Variants in ATG5 observed in about 807,000 individuals in gnomAD.
ATG5 encodes autophagy related 5.
A neutral mutation model predicts 36.5 loss-of-function variants in ATG5; 14 were observed. That is an observed-to-expected ratio of 0.38 (90% CI 0.25 to 0.60). ATG5 has a LOEUF of 0.60. Ranked by LOEUF, ATG5 falls within the 20% of genes least tolerant of loss-of-function variation. The pLI is 0.60. For synonymous variants in ATG5, 95 were observed against 101.5 expected, an observed-to-expected ratio of 0.94 and a Z score of 0.38; for missense variants, 195 against 326.7, an observed-to-expected ratio of 0.60 and a Z score of 3.11.
Position 106,186,672 on chromosome 6 carries a change from C to G in ATG5, c.696G>C (p.Gly232=), listed in dbSNP as rs142878178. 86 of 1,612,774 alleles carry G rather than the reference C, an allele frequency of 5.3e-5. No individual in the cohort carries two copies. The highest frequency in any genetic ancestry group is 7.1e-5 in the Non-Finnish European group (84 of 1,179,672). ...GAATCATCACTTGATTCTTTTTTTC[C>G]CCATCTATTCCAAGAAAGAAACCCA... The part of the protein sequence containing the change: ...VCPSAIDPED[G]EKKNQVMIHG... The change falls in exon 8 of 8, where the codon GGG becomes GGC. Residue 232 remains glycine (G), a synonymous_variant. Coordinates refer to ENST00000369076, the MANE Select transcript of ATG5 (RefSeq NM_004849.4).
At chr6:106,252,937 C>T (rs1386487215) in intron 5 of ATG5, among the ~76,000 whole-genome samples, 1 of 152,204 alleles carries the variant, frequency 6.6e-6, no homozygotes, top group Non-Finnish European at 1.5e-5. Context: ...AAAATCACTA[C>T]AGAAGGGAAC....
chr6:106,213,107 T>C (rs947421847), intron 6 of ATG5, among the ~76,000 whole-genome samples: 4 of 152,244 alleles, frequency 2.6e-5, no homozygotes, highest in Admixed American at 6.5e-5. Context: ...AGTACCCAAG[T>C]GCAGGATCTC....
At chr6:106,206,491 A>T (rs1053244903) in intron 6 of ATG5, among the ~76,000 whole-genome samples, 1 of 152,146 alleles carries the variant, frequency 6.6e-6, no homozygotes, top group Non-Finnish European at 1.5e-5. Flanking sequence ...TCTACTAAAA[A>T]TACAGAAAAT....
At chr6:106,232,866 T>G (rs185091957) in intron 6 of ATG5, among the ~76,000 whole-genome samples, 1 of 152,162 alleles carries the variant, frequency 6.6e-6, no homozygotes, top group East Asian at 1.9e-4. Context: ...TTTTTCTGCA[T>G]CCCTGTACAT....
chr6:106,256,799 A>ATGAGTGAATGTGAAGGCC (rs1367567587), intron 5 of ATG5, among the ~76,000 whole-genome samples: 1 of 152,188 alleles, frequency 6.6e-6, no homozygotes, highest in Non-Finnish European at 1.5e-5. Flanking sequence ...CAAGTGAGTG[A>ATGAGTGAATGTGAAGGCC]TGAGTGAATG....
Position 106,277,111 on chromosome 6 carries a change from C to A in ATG5, c.478+2550G>T, listed in dbSNP as rs1225636207. Among the ~76,000 whole-genome samples the A allele has an allele frequency of 3.3e-5, 5 of 152,120 alleles. No homozygotes were observed. The East Asian group carries it at 9.6e-4, about 29-fold the overall frequency. ...AGTATACACTGTCATAAAATGCATG[C>A]CTTACTTGCTCTTGATACCACAGAA... On this transcript the variant is annotated intron_variant, in intron 5 of 7. Transcript: ENST00000369076.
At chr6:106,230,798 G>A (rs1174760306) in intron 6 of ATG5, among the ~76,000 whole-genome samples, 1 of 152,108 alleles carries the variant, frequency 6.6e-6, no homozygotes, top group Non-Finnish European at 1.5e-5. Context: ...TCTTTAAGGG[G>A]GAGAAACCTG....
chr6:106,312,641 C>T (rs1034923679), intron 2 of ATG5, among the ~76,000 whole-genome samples: 22 of 151,670 alleles, frequency 1.5e-4, no homozygotes, highest in Admixed American at 7.2e-4. Flanking sequence ...CACACACACA[C>T]ACACACACAC....
At chr6:106,276,988 G>A (rs954864007) in intron 5 of ATG5, among the ~76,000 whole-genome samples, 4 of 152,146 alleles carry the variant, frequency 2.6e-5, no homozygotes, top group African/African-American at 7.2e-5. Context: ...AGAAATGCCA[G>A]ATGTATAAAT....
intron 1 of ATG5, among the ~76,000 whole-genome samples, chr6:106,318,182 T>C (rs1418427582): frequency 2.0e-5 from 3 of 152,160 alleles, no homozygotes; most frequent in Non-Finnish European, 4.4e-5. Context: ...CACTGTCCTC[T>C]CAAGGAGGAA....
intron 3 of ATG5, among the ~76,000 whole-genome samples, chr6:106,304,584 A>G (rs1011753950): frequency 2.0e-5 from 3 of 152,236 alleles, no homozygotes; most frequent in Admixed American, 1.3e-4. Context: ...GAAAGGCTAC[A>G]TACTACATGA....
intron 4 of ATG5, among the ~76,000 whole-genome samples, chr6:106,289,453 ATAAG>A (rs751712103): frequency 3.3e-5 from 5 of 152,172 alleles, no homozygotes; most frequent in African/African-American, 4.8e-5. Flanking sequence ...CAGGATAAGA[ATAAG>A]TAAGAACAGC....
intron 6 of ATG5, among the ~76,000 whole-genome samples, chr6:106,239,294 T>C (rs1417144313): frequency 1.3e-5 from 2 of 152,016 alleles, no homozygotes; most frequent in Non-Finnish European, 2.9e-5. Context: ...AGAAAAATGG[T>C]CTATTTGAAG....
intron 4 of ATG5, among the ~76,000 whole-genome samples, chr6:106,292,048 C>T (rs1780328619): frequency 6.6e-6 from 1 of 152,120 alleles, no homozygotes; most frequent in Admixed American, 6.5e-5. Context: ...AACTCAGACA[C>T]CTAAATGACT....
chr6:106,293,770 C>A (rs1780420599), intron 3 of ATG5, among the ~76,000 whole-genome samples: 1 of 152,050 alleles, frequency 6.6e-6, no homozygotes, highest in Non-Finnish European at 1.5e-5. Context: ...TAACCATTAC[C>A]CACAGTGAAG....
intron 6 of ATG5, among the ~76,000 whole-genome samples, chr6:106,207,592 A>G (rs1394160464): frequency 6.6e-6 from 1 of 152,216 alleles, no homozygotes; most frequent in Non-Finnish European, 1.5e-5. Flanking sequence ...CTCTATTTCA[A>G]ATGTAGCCAG....
At chr6:106,279,611 T>G (rs755526670) in intron 5 of ATG5, 50 bp downstream of exon 5, 1 of 1,345,626 alleles carries the variant, frequency 7.4e-7, no homozygotes. Flanking sequence ...GTTATGGCTG[T>G]ATCATATTTT....
At chr6:106,230,667 C>T (rs1268400079) in intron 6 of ATG5, among the ~76,000 whole-genome samples, 8 of 151,686 alleles carry the variant, frequency 5.3e-5, no homozygotes, top group Admixed American at 2.6e-4. Context: ...AGATAGGAAA[C>T]GTTCCCCTCA....
At chr6:106,288,945 T>C (rs185997542) in intron 4 of ATG5, among the ~76,000 whole-genome samples, 2 of 152,300 alleles carry the variant, frequency 1.3e-5, no homozygotes, top group African/African-American at 2.4e-5. Flanking sequence ...TGTGTGTGTG[T>C]GTGTGGCAGA....
Sources: allele counts gnomAD v4.1 joint callset (sites outside exome capture counted in the v4.1 genomes callset), GRCh38; gene constraint gnomAD v4.1.1; transcripts MANE v1.5; gene names NCBI Gene and HGNC (gene_info 2026-07-23, HGNC 2026-07-21).